Variants in MYH13 observed in about 807,000 individuals in gnomAD.
MYH13 encodes myosin heavy chain 13.
In MYH13, 177 loss-of-function variants were observed where a neutral mutation model predicts 232.1. The observed-to-expected ratio is 0.76, with a 90% CI of 0.67 to 0.86. The LOEUF (loss-of-function observed/expected upper bound fraction) is 0.86, where lower values mean the gene tolerates loss of function less well. MYH13 is among the 40% of genes least tolerant of loss of function. The pLI, the probability that MYH13 is intolerant of heterozygous loss-of-function variation, is 0.00. For missense variants in MYH13, 2,246 were observed against 2,405.9 expected (o/e 0.93, Z 1.39); for synonymous variants, 884 against 923.5 (o/e 0.96, Z 0.78).
chr17:10,359,707 GT>G (rs1335775515), intron 7 of MYH13, among the ~76,000 whole-genome samples: 1 of 152,144 alleles, frequency 6.6e-6, no homozygotes, highest in African/African-American at 2.4e-5. Context: ...TCTCTAGGTA[GT>G]TAGTATCAGA....
intron 12 of MYH13, among the ~76,000 whole-genome samples, chr17:10,348,189 C>A (rs778128922): frequency 6.6e-6 from 1 of 152,202 alleles, no homozygotes; most frequent in Non-Finnish European, 1.5e-5. Flanking sequence ...TACCATTATT[C>A]TTCTTCTTGT....
At chr17:10,313,836 G>C (rs1354601553) in intron 29 of MYH13, among the ~76,000 whole-genome samples, 1 of 152,218 alleles carries the variant, frequency 6.6e-6, no homozygotes, top group African/African-American at 2.4e-5. Flanking sequence ...CAATGGTATG[G>C]AATGCTGTGA....
At chr17:10,365,445 C>T (rs753002570) in intron 2 of MYH13, among the ~76,000 whole-genome samples, 5 of 152,208 alleles carry the variant, frequency 3.3e-5, no homozygotes, top group Admixed American at 6.5e-5. Flanking sequence ...GCACAGATTA[C>T]GGGCCCTATC....
Position 10,318,827 on chromosome 17 carries a change from T to TC in MYH13, c.3700dup (p.Asp1234GlyfsTer15), listed in dbSNP as rs1567659148. On this transcript the variant is annotated frameshift_variant, in exon 27 of 41. Coordinates refer to ENST00000252172, the MANE Select transcript of MYH13 (RefSeq NM_003802.3). LOFTEE classifies it high-confidence loss of function. ...GAGAGCCTCGATGTTGCTGGCCATG[T>TC]CGTCAATCTCCATCTTCAGCTCGCT... is the stretch of plus-strand genomic sequence containing the variant. 6.2e-7 allele frequency: 1 copy of TC among 1,614,100 alleles called. No homozygotes were observed. The highest frequency in any genetic ancestry group is 1.7e-5 in the Admixed American group (1 of 60,016).
intron 12 of MYH13, among the ~76,000 whole-genome samples, chr17:10,347,112 G>A (rs934082052): frequency 6.6e-6 from 1 of 152,182 alleles, no homozygotes; most frequent in African/African-American, 2.4e-5. Context: ...GTTCATGCCT[G>A]TAATCCCAGC....
rs528900555 is a variant in MYH13 at position 10,314,292 on chromosome 17, G to A, written c.3985-938C>T. On this transcript the variant is annotated intron_variant, in intron 29 of 40. Transcript: ENST00000252172. ...AAACCGGGCATGGTGGCACATGCAC[G>A]TAATCCCAGCTACTTGGGAGGCTGA... 1.8e-4 allele frequency among the ~76,000 whole-genome samples: 27 copies of A among 152,014 alleles called. No individual in the cohort carries two copies. In the South Asian group the frequency reaches 5.6e-3, roughly 32 times the overall value.
intron 7 of MYH13, among the ~76,000 whole-genome samples, chr17:10,359,545 T>C (rs575441705): frequency 2.0e-5 from 3 of 152,312 alleles, no homozygotes; most frequent in African/African-American, 4.8e-5. Context: ...TGAAGCACTC[T>C]AGGTAATTAC....
chr17:10,306,335 G>T lies in MYH13; in HGVS notation c.5466+124C>A. Reference sequence around the variant, plus strand: ...ATGAAGCTCACAGGGAATTTTTCAAGCAGTCCTGAAACTGAATTTGCAATC... The same window carrying T: ...ATGAAGCTCACAGGGAATTTTTCAATCAGTCCTGAAACTGAATTTGCAATC... On this transcript the variant is annotated intron_variant, in intron 37 of 40. Coordinates refer to ENST00000252172, the MANE Select transcript of MYH13 (RefSeq NM_003802.3). The surrounding 1 kb of genome is among the most constrained non-coding windows in gnomAD (Gnocchi z 4.3). 3 of 1,316,700 alleles carry T rather than the reference G, an allele frequency of 2.3e-6. No homozygotes were observed. Among genetic ancestry groups the T allele is most frequent in the Non-Finnish European group, 2.1e-6 (2 of 966,084 alleles). The allele number at this position is 1,316,700 out of a possible 1,614,324, so 81.6% of individuals were successfully genotyped here. A position where few individuals can be genotyped will look rare whatever the true frequency, so the allele number is the denominator to read the frequency against.
chr17:10,320,498 T>C lies in MYH13; in HGVS notation c.3112-2A>G, dbSNP rs1215609056. On this transcript the variant is annotated splice_acceptor_variant, in intron 24 of 40. Transcript: ENST00000252172. LOFTEE classifies it high-confidence loss of function. Reference sequence around the variant, plus strand: ...CTCCTGCTCTAAGGAACCCTCAAGCTGAGAAGACACACAGGTAGAAAATTA... The same window carrying C: ...CTCCTGCTCTAAGGAACCCTCAAGCCGAGAAGACACACAGGTAGAAAATTA... The C allele has an allele frequency of 1.1e-5, 18 of 1,611,640 alleles. No individual in the cohort carries two copies. Among genetic ancestry groups the C allele is most frequent in the Non-Finnish European group, 1.5e-5 (18 of 1,179,058 alleles).
At position 10,303,433 on chromosome 17, in the gene MYH13, G is replaced by C; in HGVS notation, c.5532C>G (p.Ala1844=). Residue 1844 remains alanine, a synonymous_variant, in exon 38 of 41, where the codon GCC becomes GCG. Transcript: ENST00000252172. ...QKRGAEALKG[A]HKYERKVKEM... Reference sequence around the variant, plus strand: ...CCTTGACTTTGCGTTCGTACTTGTGGGCTCCCTTCAGGGCTTCAGCTCCCC... The same window carrying C: ...CCTTGACTTTGCGTTCGTACTTGTGCGCTCCCTTCAGGGCTTCAGCTCCCC... The C allele has an allele frequency of 1.2e-6, 2 of 1,613,908 alleles. No individual in the cohort carries two copies. Among genetic ancestry groups the C allele is most frequent in the Non-Finnish European group, 1.7e-6 (2 of 1,179,890 alleles).
intron 29 of MYH13, among the ~76,000 whole-genome samples, chr17:10,314,754 A>T (rs1906640344): frequency 1.3e-5 from 2 of 152,322 alleles, no homozygotes; most frequent in Admixed American, 6.5e-5. Context: ...CTATTCTGAT[A>T]CTTGAATATG....
At chr17:10,320,582 G>C (rs555538526) in intron 24 of MYH13, 86 bp from the exon 25 acceptor site, 1 of 1,412,214 alleles carries the variant, frequency 7.1e-7, no homozygotes, top group Admixed American at 2.3e-5. Flanking sequence ...ACGTGGCCTG[G>C]GGCTTCCTGG....
intron 2 of MYH13, among the ~76,000 whole-genome samples, chr17:10,367,322 C>T (rs1179871678): frequency 6.6e-6 from 1 of 152,118 alleles, no homozygotes; most frequent in Non-Finnish European, 1.5e-5. Context: ...AAATTACTGT[C>T]AAATTCATTA....
intron 21 of MYH13, among the ~76,000 whole-genome samples, chr17:10,328,385 C>T (rs1907291030): frequency 6.6e-6 from 1 of 152,224 alleles, no homozygotes; most frequent in African/African-American, 2.4e-5. Flanking sequence ...TCCCACCACC[C>T]TACTGAGAGT....
At chr17:10,301,735 T>C (rs1452892632) in intron 39 of MYH13, 32 bp from the exon 40 acceptor site, 3 of 1,609,442 alleles carry the variant, frequency 1.9e-6, no homozygotes, top group Non-Finnish European at 2.5e-6. Context: ...TATGACGCTG[T>C]AGAGCCTCTC....
intron 33 of MYH13, 97 bp from the exon 34 acceptor site, chr17:10,309,927 T>A (rs1906445848): frequency 3.8e-5 from 40 of 1,059,334 alleles, no homozygotes; most frequent in Non-Finnish European, 5.1e-5. Flanking sequence ...ATGCGTTTTT[T>A]TAAAAAAATT....
At chr17:10,372,428 CAG>C (rs2071883905) in intron 1 of MYH13, among the ~76,000 whole-genome samples, 1 of 152,190 alleles carries the variant, frequency 6.6e-6, no homozygotes, top group Non-Finnish European at 1.5e-5. Flanking sequence ...ATTGCACTGT[CAG>C]ACACAGTCCA....
At chr17:10,309,946 A>ATTT in intron 33 of MYH13, 116 bp from the exon 34 acceptor site, 147 of 691,614 alleles carry the variant, frequency 2.1e-4, no homozygotes, top group Middle Eastern at 4.6e-4. Flanking sequence ...TTAAATTTAA[A>ATTT]TTTTTTTTTT....
chr17:10,328,120 C>T lies in MYH13; in HGVS notation c.2437G>A (p.Asp813Asn), dbSNP rs1276413300. The T allele has an allele frequency of 1.2e-6, 2 of 1,613,292 alleles. No homozygotes were observed. The highest frequency in any genetic ancestry group is 2.2e-5 in the East Asian group (1 of 44,834). Residue 813 changes from aspartate (D) to asparagine (N), a missense_variant and splice_region_variant, in exon 22 of 41, where the codon GAC becomes AAC. Coordinates refer to ENST00000252172, the MANE Select transcript of MYH13 (RefSeq NM_003802.3). ...TTGTACTGGATGCAGAAGATGGAGTCCCTGTACACCCATTAGGACTCAAAT... is the reference window on the plus strand; with the variant it reads ...TTGTACTGGATGCAGAAGATGGAGTTCCTGTACACCCATTAGGACTCAAAT... ...VEFKKMMERRDSIFCIQYNIR... is the reference protein window; with the variant it reads ...VEFKKMMERRNSIFCIQYNIR...
Sources: allele counts gnomAD v4.1 joint callset (sites outside exome capture counted in the v4.1 genomes callset), GRCh38; gene constraint gnomAD v4.1.1; non-coding constraint Gnocchi (gnomAD v3.1); transcripts MANE v1.5; gene names NCBI Gene and HGNC (gene_info 2026-07-23, HGNC 2026-07-21).